The following AHCYL1 variants were observed in gnomAD, a reference collection of about 807,000 sequenced individuals.
AHCYL1 encodes the protein adenosylhomocysteinase like 1.
AHCYL1 carries 20 observed loss-of-function variants against 79.3 expected under a neutral mutation model. That is an observed-to-expected ratio of 0.25 (90% confidence interval 0.18 to 0.37). AHCYL1 has a LOEUF of 0.37. Ranked by LOEUF, AHCYL1 falls within the 10% of genes least tolerant of loss-of-function variation. AHCYL1 has a pLI of 1.00. For missense variants in AHCYL1, 330 were observed against 673.6 expected (o/e 0.49, Z 5.65); for synonymous variants, 223 against 242.2 (o/e 0.92, Z 0.74).
chr1:110,016,207 TC>T (rs1651412480), intron 7 of AHCYL1, 136 bp from the exon 8 acceptor site: 2 of 598,140 alleles, frequency 3.3e-6, no homozygotes, highest in African/African-American at 3.8e-5. Flanking sequence ...AATCATGTTT[TC>T]TAATATCCTT....
rs1296663763 is a variant in AHCYL1 at position 110,022,353 on chromosome 1, C to T, written c.*673C>T. On this transcript the variant is annotated 3_prime_UTR_variant, in exon 17 of 17. Transcript: ENST00000369799. ...ACTCTATTGAGTTTAATTTTGTCCT[C>T]TAGGATTTATTTCTGTTGTCCAAAA... 6.9e-6 allele frequency: 1 copy of T among 144,890 alleles called. No individual in the cohort carries two copies. Among genetic ancestry groups the T allele is most frequent in the African/African-American group, 2.6e-5 (1 of 38,880 alleles). The allele number at this position is 144,890 out of a possible 1,614,324, so 9.0% of individuals were successfully genotyped here.
At chr1:109,992,237 T>C (rs1306440467) in intron 1 of AHCYL1, among the ~76,000 whole-genome samples, 2 of 151,692 alleles carry the variant, frequency 1.3e-5, no homozygotes, top group Non-Finnish European at 2.9e-5. Flanking sequence ...TGAAACCCCA[T>C]CTCTACTAAA....
At chr1:109,994,161 T>C (rs1649903745) in intron 1 of AHCYL1, among the ~76,000 whole-genome samples, 1 of 152,242 alleles carries the variant, frequency 6.6e-6, no homozygotes, top group African/African-American at 2.4e-5. Flanking sequence ...AAGCTCAGGC[T>C]CTAGTTGGCA....
Position 110,019,613 on chromosome 1 carries a change from T to C in AHCYL1, c.1452T>C (p.Leu484=). 4 of 1,612,640 alleles carry C rather than the reference T, an allele frequency of 2.5e-6. No homozygotes were observed. The highest frequency in any genetic ancestry group is 3.4e-6 in the Non-Finnish European group (4 of 1,179,692). Residue 484 remains leucine, a synonymous_variant, in exon 15 of 17, where the codon CTT becomes CTC. Coordinates refer to ENST00000369799, the MANE Select transcript of AHCYL1 (RefSeq NM_006621.7). ...GATACAAGCAGGATGTGTACTTGCT[T>C]CCTAAGAAAATGGGTGAGTGAAAAA... ...EGRYKQDVYL[L]PKKMDEYVAS...
intron 1 of AHCYL1, among the ~76,000 whole-genome samples, chr1:109,986,196 T>C (rs2101686429): frequency 6.6e-6 from 1 of 152,162 alleles, no homozygotes; most frequent in East Asian, 1.9e-4. Context: ...AGACAGAGTC[T>C]TACAAAGCTG....
chr1:109,985,443 G>C, intron 1 of AHCYL1: 10 of 1,164,844 alleles, frequency 8.6e-6, no homozygotes, highest in Non-Finnish European at 9.6e-6. Context: ...ACTTTTCCTG[G>C]ATGAAGGGCC....
intron 5 of AHCYL1, among the ~76,000 whole-genome samples, chr1:110,014,220 A>G (rs1241441555): frequency 6.6e-6 from 1 of 152,218 alleles, no homozygotes; most frequent in African/African-American, 2.4e-5. Flanking sequence ...CCAAAACCCT[A>G]CAATCCCACT....
In AHCYL1 at chr1:110,021,778, AT is replaced by A; in HGVS notation, c.*105del. ...TTTTCTTCTTACTCCTTTCCTCTTG[AT>A]TTTTTTCCTATAATTTCATTCTTGT... On this transcript the variant is annotated 3_prime_UTR_variant, in exon 17 of 17. Coordinates refer to ENST00000369799, the MANE Select transcript of AHCYL1 (RefSeq NM_006621.7). 1.5e-6 allele frequency: 2 copies of A among 1,322,550 alleles called. No individual in the cohort carries two copies. The highest frequency in any genetic ancestry group is 1.3e-5 in the South Asian group (1 of 76,328). 81.9% of individuals were successfully genotyped at this position (1,322,550 alleles called of 1,614,324 possible).
At chr1:110,018,087 C>T in intron 11 of AHCYL1, 71 bp downstream of exon 11, 11 of 1,494,106 alleles carry the variant, frequency 7.4e-6, no homozygotes, top group Non-Finnish European at 1.0e-5. Context: ...GACTTTCATA[C>T]AAAGGAGGTG....
intron 5 of AHCYL1, among the ~76,000 whole-genome samples, 188 bp downstream of exon 5, chr1:110,013,187 T>C (rs957941346): frequency 1.3e-5 from 2 of 152,216 alleles, no homozygotes; most frequent in Non-Finnish European, 2.9e-5. Flanking sequence ...GAATATTATG[T>C]AGTCATTAAA....
chr1:110,015,981 TCACA>T (rs984598294), intron 7 of AHCYL1, among the ~76,000 whole-genome samples: 14 of 152,212 alleles, frequency 9.2e-5, no homozygotes, highest in African/African-American at 3.4e-4. Context: ...GCATGCTTAC[TCACA>T]CACACACGGA....
At chr1:110,011,757 G>T (rs554315611) in intron 3 of AHCYL1, among the ~76,000 whole-genome samples, 1 of 152,354 alleles carries the variant, frequency 6.6e-6, no homozygotes, top group South Asian at 2.1e-4. Flanking sequence ...AGGTAAGGAT[G>T]TGGTGACCTA....
intron 1 of AHCYL1, among the ~76,000 whole-genome samples, chr1:109,997,662 A>G (rs1650095337): frequency 1.3e-5 from 2 of 152,192 alleles, no homozygotes; most frequent in Non-Finnish European, 2.9e-5. Flanking sequence ...ACCCTGCCTG[A>G]GGGTTAGTGC....
At chr1:110,017,685 G>A in intron 10 of AHCYL1, 102 bp downstream of exon 10, 1 of 1,264,652 alleles carries the variant, frequency 7.9e-7, no homozygotes, top group Middle Eastern at 2.0e-4. Flanking sequence ...AATCACCTAG[G>A]GGAAGAGAAG....
At chr1:109,985,574 C>A in intron 1 of AHCYL1, 1 of 989,102 alleles carries the variant, frequency 1.0e-6, no homozygotes, top group Non-Finnish European at 1.2e-6. Context: ...GAACTTCCAT[C>A]AAATCTTTGG....
At chr1:109,994,586 G>A (rs1649933607) in intron 1 of AHCYL1, among the ~76,000 whole-genome samples, 1 of 152,212 alleles carries the variant, frequency 6.6e-6, no homozygotes, top group Admixed American at 6.5e-5. Context: ...ACTGCACCCG[G>A]CAAATTTTGC....
rs1031372906 is a variant in AHCYL1, at chr1:109,997,040, A to AT, written c.120+11869dup. Reference sequence around the variant, plus strand: ...AAAGCAGTATGTAAACAACTCAAGGATATCACTAGAAAAAGAGGGAATGGC... The same window carrying AT: ...AAAGCAGTATGTAAACAACTCAAGGATTATCACTAGAAAAAGAGGGAATGGC... On this transcript the variant is annotated intron_variant, in intron 1 of 16. Coordinates refer to ENST00000369799, the MANE Select transcript of AHCYL1 (RefSeq NM_006621.7). Among the ~76,000 whole-genome samples, 29 of 152,342 alleles carry AT rather than the reference A, an allele frequency of 1.9e-4. 1 individual carries two copies. Among genetic ancestry groups the AT allele is most frequent in the African/African-American group, 7.0e-4 (29 of 41,580 alleles).
intron 1 of AHCYL1, among the ~76,000 whole-genome samples, chr1:109,992,956 G>T (rs1288305828): frequency 1.3e-5 from 2 of 152,172 alleles, no homozygotes; most frequent in African/African-American, 4.8e-5. Context: ...AGAGATTTAA[G>T]TTTCCAGCCT....
chr1:109,987,549 G>A (rs777504632), intron 1 of AHCYL1, among the ~76,000 whole-genome samples: 56 of 152,188 alleles, frequency 3.7e-4, no homozygotes, highest in Non-Finnish European at 6.9e-4. Context: ...ATGGTCCTCA[G>A]TTAGATCAGA....
Sources: allele counts gnomAD v4.1 joint callset (sites outside exome capture counted in the v4.1 genomes callset), GRCh38; gene constraint gnomAD v4.1.1; transcripts MANE v1.5; gene names NCBI Gene and HGNC (gene_info 2026-07-23, HGNC 2026-07-21).